The following ADAMTSL1 variants were observed in gnomAD, a reference collection of about 807,000 sequenced individuals.
The protein encoded by ADAMTSL1 is ADAMTS-like protein 1.
In ADAMTSL1, 126 loss-of-function variants were observed where a neutral mutation model predicts 201.8. The observed-to-expected ratio is 0.62, with a 90% CI of 0.54 to 0.72. The LOEUF is 0.72. Among genes scored for constraint, ADAMTSL1 ranks in the 30% least tolerant of loss-of-function variants. ADAMTSL1 has a pLI of 0.00. For missense variants in ADAMTSL1, 2,679 were observed against 2,277.8 expected (o/e 1.18, Z -3.59); for synonymous variants, 1,121 against 903.4 (o/e 1.24, Z -4.32).
intron 1 of ADAMTSL1, among the ~76,000 whole-genome samples, chr9:17,966,995 C>G (rs1818001648): frequency 6.6e-6 from 1 of 151,974 alleles, no homozygotes; most frequent in Admixed American, 6.6e-5. Flanking sequence ...GGTTACAGTC[C>G]ATTGTAATTT....
At chr9:18,787,374 C>A (rs1231516220) in intron 19 of ADAMTSL1, among the ~76,000 whole-genome samples, 1 of 152,096 alleles carries the variant, frequency 6.6e-6, no homozygotes, top group Non-Finnish European at 1.5e-5. Context: ...AGTAGACAAC[C>A]AGTGGCAAAC....
intron 2 of ADAMTSL1, among the ~76,000 whole-genome samples, chr9:18,183,033 A>G (rs1167142240): frequency 1.3e-5 from 2 of 152,310 alleles, no homozygotes; most frequent in South Asian, 2.1e-4. Context: ...ATTAATTCCT[A>G]TATGTTATTG....
intron 2 of ADAMTSL1, among the ~76,000 whole-genome samples, chr9:18,290,151 G>A (rs75220840): frequency 0.035 from 5,313 of 152,260 alleles, 120 homozygotes; most frequent in Non-Finnish European, 0.051. Flanking sequence ...TAATAGAAGA[G>A]GTGATTCAAC....
chr9:17,970,322 C>T (rs187951861), intron 1 of ADAMTSL1, among the ~76,000 whole-genome samples: 132 of 152,178 alleles, frequency 8.7e-4, no homozygotes, highest in African/African-American at 3.0e-3. Flanking sequence ...GCCCTGTTAG[C>T]TCTTACTCAG....
At chr9:17,945,492 T>C (rs1160619484) in intron 1 of ADAMTSL1, among the ~76,000 whole-genome samples, 6 of 151,762 alleles carry the variant, frequency 4.0e-5, no homozygotes, top group Admixed American at 2.6e-4. Context: ...TTATAAATCA[T>C]GTGGCTGTAA....
intron 4 of ADAMTSL1, among the ~76,000 whole-genome samples, chr9:18,604,802 T>C (rs1824906238): frequency 6.6e-6 from 1 of 152,154 alleles, no homozygotes; most frequent in East Asian, 1.9e-4. Flanking sequence ...AATCACGTGG[T>C]AATTGCATGT....
chr9:17,950,507 A>T (rs1827692979), intron 1 of ADAMTSL1, among the ~76,000 whole-genome samples: 1 of 151,280 alleles, frequency 6.6e-6, no homozygotes, highest in Non-Finnish European at 1.5e-5. Context: ...GTATGATTGT[A>T]TATATTTTTA....
At position 18,474,240 on chromosome 9, in the gene ADAMTSL1, G is replaced by C; in HGVS notation, c.8G>C (p.Cys3Ser). The change falls in exon 1 of 29, where the codon TGC (cysteine) becomes TCC (serine). Residue 3 changes from cysteine to serine, a missense_variant. Physicochemically the swap from Cys to Ser is moderately radical, Grantham distance 112. Transcript: ENST00000380548. ME[C>S]CRRATPGTLL... ...TCCGGCAAGGATCCAAGCATGGAAT[G>C]CTGCCGTCGGGCAACTCCTGGCACA... 1 of 1,614,156 alleles carries C rather than the reference G, an allele frequency of 6.2e-7. No homozygotes were observed.
chr9:18,234,344 G>A (rs1193267919), intron 2 of ADAMTSL1, among the ~76,000 whole-genome samples: 7 of 152,164 alleles, frequency 4.6e-5, no homozygotes, highest in Non-Finnish European at 1.0e-4. Context: ...TCCAGGTGGA[G>A]ATGTCAGAGA....
intron 20 of ADAMTSL1, among the ~76,000 whole-genome samples, chr9:18,798,775 G>A (rs138383056): frequency 4.6e-4 from 70 of 152,326 alleles, no homozygotes; most frequent in Non-Finnish European, 8.2e-4. Context: ...GCCCCGTCCC[G>A]TAGATCTGGT....
chr9:17,973,122 C>T (rs77678754), intron 1 of ADAMTSL1, among the ~76,000 whole-genome samples: 112,893 of 141,104 alleles, frequency 0.8, 45,761 homozygotes, highest in East Asian at 0.92. Flanking sequence ...GTTGCCTGTT[C>T]ACTCTGATGG....
chr9:18,715,359 C>T (rs1027692169), intron 14 of ADAMTSL1, among the ~76,000 whole-genome samples: 1 of 151,810 alleles, frequency 6.6e-6, no homozygotes, highest in Non-Finnish European at 1.5e-5. Context: ...AGCCCAAAAT[C>T]TCCTTAAGCT....
chr9:18,812,206 G>A (rs1320887482), intron 20 of ADAMTSL1, among the ~76,000 whole-genome samples: 1 of 152,086 alleles, frequency 6.6e-6, no homozygotes, highest in Non-Finnish European at 1.5e-5. Flanking sequence ...ATAATATTGT[G>A]TGATATTGGT....
At chr9:18,215,180 AATAC>A (rs1261750086) in intron 2 of ADAMTSL1, among the ~76,000 whole-genome samples, 1 of 152,226 alleles carries the variant, frequency 6.6e-6, no homozygotes, top group Non-Finnish European at 1.5e-5. Flanking sequence ...AACATAAAAT[AATAC>A]ATAAAGTGGC....
intron 15 of ADAMTSL1, among the ~76,000 whole-genome samples, chr9:18,727,690 T>C (rs1416164613): frequency 6.6e-6 from 1 of 152,238 alleles, no homozygotes; most frequent in Admixed American, 6.5e-5. Flanking sequence ...TTCCTAGATA[T>C]TCTTTTCCAT....
chr9:18,899,981 A>C (rs1350993430), intron 26 of ADAMTSL1, among the ~76,000 whole-genome samples: 1 of 152,248 alleles, frequency 6.6e-6, no homozygotes, highest in East Asian at 1.9e-4. Flanking sequence ...ATCAAAAGAA[A>C]CTATCATTAG....
Position 17,912,891 on chromosome 9 carries a change from G to T in ADAMTSL1, c.87+5969G>T, listed in dbSNP as rs540294335. Among the ~76,000 whole-genome samples the T allele has an allele frequency of 1.2e-3, 179 of 152,016 alleles. 1 individual carries two copies. Among genetic ancestry groups the T allele is most frequent in the African/African-American group, 4.0e-3 (167 of 41,494 alleles). On this transcript the variant is annotated intron_variant, in intron 1 of 29. Transcript: ENST00000680146. ...GGTGTAAGGAAGGGATCCAGTTTCA[G>T]CTTTCTACATATGGCTAGCCAGTTT...
chr9:18,594,651 G>T (rs1329828621), intron 4 of ADAMTSL1, among the ~76,000 whole-genome samples: 7 of 152,074 alleles, frequency 4.6e-5, no homozygotes, highest in Admixed American at 2.6e-4. Context: ...CAGCTCCAAG[G>T]TTGATTTTTA....
At chr9:18,421,576 TCCTC>T (rs1818950846) in intron 2 of ADAMTSL1, among the ~76,000 whole-genome samples, 1 of 152,164 alleles carries the variant, frequency 6.6e-6, no homozygotes, top group Non-Finnish European at 1.5e-5. Context: ...GAAAGCAACA[TCCTC>T]CCTCTCAAAC....
Sources: gnomAD v4.1 joint callset for allele counts (sites outside exome capture counted in the v4.1 genomes callset) on GRCh38, gnomAD v4.1.1 for gene constraint, MANE v1.5 for transcripts, NCBI Gene and HGNC (gene_info 2026-07-23, HGNC 2026-07-21) for gene names.